Variants in MALRD1 observed in about 807,000 individuals in gnomAD.
MALRD1 encodes the protein MAM and LDL receptor class A domain containing 1.
A neutral mutation model predicts 242.1 loss-of-function variants in MALRD1; 247 were observed. The ratio of observed to expected loss-of-function variants is 1.02; its 90% CI spans 0.92 to 1.13. MALRD1 has a LOEUF of 1.13. Among genes scored for constraint, MALRD1 ranks in the 50% most tolerant of loss-of-function variants. The probability of loss-of-function intolerance (pLI) is 0.00; values close to 1 mark genes in which losing one functional copy is unlikely to be tolerated. For missense variants in MALRD1, 2,989 were observed against 2,533.1 expected, an observed-to-expected ratio of 1.18 and a Z score of -3.86; for synonymous variants, 995 against 866.6, an observed-to-expected ratio of 1.15 and a Z score of -2.60.
intron 38 of MALRD1, among the ~76,000 whole-genome samples, chr10:19,701,907 AG>A (rs1203490200): frequency 6.6e-6 from 1 of 151,564 alleles, no homozygotes; most frequent in African/African-American, 2.4e-5. Flanking sequence ...CGCAGTCAAT[AG>A]AGATGATTGT....
intron 18 of MALRD1, among the ~76,000 whole-genome samples, chr10:19,247,887 G>A (rs1054740678): frequency 1.3e-5 from 2 of 151,942 alleles, no homozygotes; most frequent in Admixed American, 6.6e-5. Context: ...AAAGATTCAC[G>A]AATTGGGCAG....
At chr10:19,553,453 A>G (rs1835581867) in intron 32 of MALRD1, among the ~76,000 whole-genome samples, 1 of 152,180 alleles carries the variant, frequency 6.6e-6, no homozygotes, top group Admixed American at 6.5e-5. Context: ...ATCATTAAAA[A>G]AATCCATTTA....
chr10:19,733,140 C>T (rs766605119), intron 39 of MALRD1, among the ~76,000 whole-genome samples: 2 of 152,056 alleles, frequency 1.3e-5, no homozygotes, highest in Non-Finnish European at 2.9e-5. Flanking sequence ...TTGGAGAAAA[C>T]TCTCACATTC....
At chr10:19,637,023 G>T (rs1354995817) in intron 36 of MALRD1, among the ~76,000 whole-genome samples, 2 of 151,756 alleles carry the variant, frequency 1.3e-5, no homozygotes, top group Non-Finnish European at 1.5e-5. Flanking sequence ...TACCAGAAAT[G>T]ACTTAGGATG....
intron 38 of MALRD1, among the ~76,000 whole-genome samples, chr10:19,707,166 T>A (rs1190546286): frequency 6.7e-6 from 1 of 150,352 alleles, no homozygotes; most frequent in Non-Finnish European, 1.5e-5. Context: ...TTTCTTCTTC[T>A]TCGTCCTCCT....
chr10:19,483,968 T>G (rs938447993), intron 29 of MALRD1, among the ~76,000 whole-genome samples: 1 of 152,172 alleles, frequency 6.6e-6, no homozygotes, highest in African/African-American at 2.4e-5. Context: ...ATATATCCTT[T>G]GCAGCAACAT....
chr10:19,071,586 GT>G (rs1217704256), intron 2 of MALRD1, among the ~76,000 whole-genome samples: 1 of 151,974 alleles, frequency 6.6e-6, no homozygotes, highest in East Asian at 1.9e-4. Flanking sequence ...GATTTTTCTT[GT>G]TTTTCTAACG....
In MALRD1 at chr10:19,389,032, A is replaced by G. The variant is rs116959153; in HGVS notation, c.4688-420A>G. 1.9e-4 allele frequency: 59 copies of G among 317,162 alleles called. No individual in the cohort carries two copies. The East Asian group carries it at 4.4e-3, about 24-fold the overall frequency. 19.6% of individuals were successfully genotyped at this position (317,162 alleles called of 1,614,324 possible). On this transcript the variant is annotated intron_variant, in intron 27 of 39. Transcript: ENST00000454679. ...TACCTTTCTTCCCATGTTACTTACT[A>G]AATTTCTTAGTGTTATATTTACACA...
At chr10:19,208,578 G>A (rs1307054046) in intron 17 of MALRD1, among the ~76,000 whole-genome samples, 6 of 152,186 alleles carry the variant, frequency 3.9e-5, no homozygotes, top group African/African-American at 1.4e-4. Flanking sequence ...TGGAACCAAA[G>A]ACAAGAGATT....
intron 26 of MALRD1, among the ~76,000 whole-genome samples, chr10:19,368,891 TTGTGTGTGTG>T (rs71387066): frequency 2.5e-5 from 2 of 79,532 alleles, no homozygotes; most frequent in African/African-American, 1.1e-4. Flanking sequence ...GTGTGTGTGT[TTGTGTGTGTG>T]TGTGTGTGTG....
intron 29 of MALRD1, among the ~76,000 whole-genome samples, chr10:19,459,201 G>A (rs982348126): frequency 3.3e-5 from 5 of 152,114 alleles, no homozygotes; most frequent in African/African-American, 9.7e-5. Flanking sequence ...TAAGAGAGAA[G>A]TATACTTACC....
intron 33 of MALRD1, among the ~76,000 whole-genome samples, chr10:19,589,495 G>A (rs1253525612): frequency 2.0e-5 from 3 of 152,042 alleles, no homozygotes; most frequent in East Asian, 1.9e-4. Flanking sequence ...CTTGAAACTT[G>A]GGATCCTTCT....
chr10:19,619,647 T>A (rs1839314789), intron 36 of MALRD1, among the ~76,000 whole-genome samples: 1 of 152,078 alleles, frequency 6.6e-6, no homozygotes, highest in African/African-American at 2.4e-5. Flanking sequence ...ACAGATCAGT[T>A]GCTTTTCTGA....
At chr10:19,730,473 G>T (rs762044265) in intron 38 of MALRD1, 1 of 562,368 alleles carries the variant, frequency 1.8e-6, no homozygotes, top group African/African-American at 1.9e-5. Flanking sequence ...AGTTTATTTG[G>T]ATCTAAACAC....
intron 28 of MALRD1, among the ~76,000 whole-genome samples, chr10:19,407,614 G>C (rs951887756): frequency 8.5e-5 from 13 of 152,148 alleles, no homozygotes; most frequent in Non-Finnish European, 1.6e-4. Context: ...CCTATAAAAA[G>C]ATGCCCTACC....
intron 2 of MALRD1, among the ~76,000 whole-genome samples, chr10:19,076,262 CATCT>C (rs143079075): frequency 3.4e-4 from 52 of 151,396 alleles, no homozygotes; most frequent in South Asian, 8.3e-4. Flanking sequence ...ATATAGCCAT[CATCT>C]ATCTATCTAT....
chr10:19,638,474 T>C (rs546085058), intron 36 of MALRD1, among the ~76,000 whole-genome samples: 162 of 152,182 alleles, frequency 1.1e-3, no homozygotes, highest in African/African-American at 3.6e-3. Context: ...GAATTACTAA[T>C]TGAGTATGAG....
At position 19,048,854 on chromosome 10, in the gene MALRD1, A is replaced by C. The variant is rs1834405148; in HGVS notation, c.-85A>C. 9.3e-7 allele frequency: 1 copy of C among 1,072,228 alleles called. No homozygotes were observed. Among genetic ancestry groups the C allele is most frequent in the Admixed American group, 4.3e-5 (1 of 23,522 alleles). The allele number at this position is 1,072,228 out of a possible 1,614,324, so 66.4% of individuals were successfully genotyped here. ...CAGTTATAAGAAGCAAATCTGGGAA[A>C]GGAAGAATAGAGAAATAAAAGAATG... On this transcript the variant is annotated 5_prime_UTR_variant, in exon 1 of 40. Coordinates refer to ENST00000454679, the MANE Select transcript of MALRD1 (RefSeq NM_001142308.3).
chr10:19,400,276 T>C (rs2130850710), intron 28 of MALRD1, among the ~76,000 whole-genome samples: 1 of 152,288 alleles, frequency 6.6e-6, no homozygotes, highest in South Asian at 2.1e-4. Flanking sequence ...GTCCTTTTCC[T>C]GAAAAGGTAG....
Sources: gnomAD v4.1 joint callset for allele counts (sites outside exome capture counted in the v4.1 genomes callset) on GRCh38, gnomAD v4.1.1 for gene constraint, MANE v1.5 for transcripts, NCBI Gene and HGNC (gene_info 2026-07-23, HGNC 2026-07-21) for gene names.